SIGMAR1: variants seen among roughly 807,000 people sequenced by gnomAD.
SIGMAR1 encodes the protein SR31747 binding protein 1.
SIGMAR1 carries 18 observed loss-of-function variants against 25.4 expected under a neutral mutation model. The ratio of observed to expected loss-of-function variants is 0.71; its 90% CI spans 0.49 to 1.05. The LOEUF (loss-of-function observed/expected upper bound fraction) is 1.05, where lower values mean the gene tolerates loss of function less well. SIGMAR1 is among the 50% of genes least tolerant of loss of function. SIGMAR1 has a pLI of 0.00. For missense variants in SIGMAR1, 249 were observed against 301.6 expected (o/e 0.83, Z 1.29); for synonymous variants, 125 against 131.6 (o/e 0.95, Z 0.34).
At chr9:34,636,690 G>A in intron 3 of SIGMAR1, 3 of 490,702 alleles carry the variant, frequency 6.1e-6, no homozygotes, top group Non-Finnish European at 1.1e-5. Context: ...GGTATTGAGA[G>A]CATTTCTGAT....
chr9:34,636,997 C>T lies in SIGMAR1; in HGVS notation c.445G>A (p.Gly149Arg), dbSNP rs1820889989. ...TCTCTGACAGAGCCTTCTTACCCAC[C>T]TGGGTAGAAGACCTCACTTTTGGTG... ...GTTKSEVFYPGETVVHGPGEA... is the reference protein window; with the variant it reads ...GTTKSEVFYPRETVVHGPGEA... The change falls in exon 3 of 4, where the codon GGG (glycine) becomes AGG (arginine). Residue 149 changes from glycine to arginine, a missense_variant and splice_region_variant. Gly to Arg is a moderately radical substitution (Grantham distance 125). Transcript: ENST00000277010. 6.2e-7 allele frequency: 1 copy of T among 1,613,164 alleles called. No individual in the cohort carries two copies. The highest frequency in any genetic ancestry group is 1.3e-5 in the African/African-American group (1 of 74,924).
At chr9:34,636,810 T>A in intron 3 of SIGMAR1, 187 bp downstream of exon 3, 1 of 639,562 alleles carries the variant, frequency 1.6e-6, no homozygotes, top group Non-Finnish European at 2.8e-6. Context: ...TGTTTCCCCT[T>A]GACAGAGGAA....
intron 3 of SIGMAR1, among the ~76,000 whole-genome samples, chr9:34,636,399 C>T (rs959750043): frequency 2.0e-5 from 3 of 151,148 alleles, no homozygotes; most frequent in African/African-American, 7.3e-5. Flanking sequence ...TTTGGGAGGC[C>T]GAGGCGGGTG....
Position 34,637,732 on chromosome 9 carries a change from G to A in SIGMAR1, c.-35C>T. On this transcript the variant is annotated 5_prime_UTR_variant, in exon 1 of 4. Coordinates refer to ENST00000277010, the MANE Select transcript of SIGMAR1 (RefSeq NM_005866.4). ...CGGCCTGGCACGGCGCAGCTCAGGA[G>A]GGAGCCGGGGCCTGAGGCTTTGCGC... 1.4e-6 allele frequency: 2 copies of A among 1,427,100 alleles called. No individual in the cohort carries two copies. The highest frequency in any genetic ancestry group is 1.8e-6 in the Non-Finnish European group (2 of 1,084,544). 88.4% of individuals were successfully genotyped at this position (1,427,100 alleles called of 1,614,324 possible).
In SIGMAR1 at chr9:34,635,677, G is replaced by T. The variant is rs746866850; in HGVS notation, c.627C>A (p.Gly209=). The change falls in exon 4 of 4, where the codon GGC becomes GGA. Residue 209 remains glycine, a synonymous_variant. Transcript: ENST00000277010. The surrounding 1 kb of genome is among the most constrained non-coding windows in gnomAD (Gnocchi z 4.5). ...LFYTLRSYAR[G]LRLELTTYLF... is the part of the protein sequence containing the mutation. ...GGTAGGTGGTGAGCTCAAGCCGGAG[G>T]CCCCGAGCATAGGAGCGAAGAGTAT... 1 of 1,614,240 alleles carries T rather than the reference G, an allele frequency of 6.2e-7. No homozygotes were observed. Among genetic ancestry groups the T allele is most frequent in the Admixed American group, 1.7e-5 (1 of 60,034 alleles).
At chr9:34,636,779 T>C in intron 3 of SIGMAR1, 2 of 606,370 alleles carry the variant, frequency 3.3e-6, no homozygotes, top group Admixed American at 2.7e-5. Flanking sequence ...CAGACATGTT[T>C]AATAGGAAGT....
In SIGMAR1 at chr9:34,637,279, G is replaced by A; in HGVS notation, c.293C>T (p.Ala98Val). Reference protein sequence around the residue: ...GWMGAMCLLHASLSEYVLLFG... With the variant: ...GWMGAMCLLHVSLSEYVLLFG... ...GAGCAGCACATACTCGGACAGCGAG[G>A]CGTGCAGAAGGCACATGGCGCCCAT... The change falls in exon 2 of 4, where the codon GCC becomes GTC. Residue 98 changes from alanine (A) to valine (V), a missense_variant. Ala to Val is a moderately conservative substitution (Grantham distance 64, BLOSUM62 0). Coordinates refer to ENST00000277010, the MANE Select transcript of SIGMAR1 (RefSeq NM_005866.4). The A allele has an allele frequency of 5.1e-6, 8 of 1,579,968 alleles. No individual in the cohort carries two copies. Among genetic ancestry groups the A allele is most frequent in the Non-Finnish European group, 6.9e-6 (8 of 1,167,196 alleles).
At position 34,636,877 on chromosome 9, in the gene SIGMAR1, A is replaced by G. The variant is rs1024982745; in HGVS notation, c.445+120T>C. ...TCACCTGTGGCTTATGGGAGGGTGG[A>G]GGAAGGGAACCATGAGGAGGGCCCC... On this transcript the variant is annotated intron_variant, in intron 3 of 3. Transcript: ENST00000277010. 11 of 808,542 alleles carry G rather than the reference A, an allele frequency of 1.4e-5. No homozygotes were observed. In the African/African-American group the frequency reaches 1.9e-4, roughly 14 times the overall value. The allele number at this position is 808,542 out of a possible 1,614,324, so 50.1% of individuals were successfully genotyped here.
At position 34,635,435 on chromosome 9, in the gene SIGMAR1, A is replaced by G; in HGVS notation, c.*197T>C. The G allele has an allele frequency of 2.5e-6, 2 of 785,498 alleles. No individual in the cohort carries two copies. Among genetic ancestry groups the G allele is most frequent in the Non-Finnish European group, 4.1e-6 (2 of 485,342 alleles). 48.7% of individuals were successfully genotyped at this position (785,498 alleles called of 1,614,324 possible). ...TGGTCCTACTGTACACACAGGTCTC[A>G]GTATCTATATGTGTCTCATTTGTTC... On this transcript the variant is annotated 3_prime_UTR_variant, in exon 4 of 4. Coordinates refer to ENST00000277010, the MANE Select transcript of SIGMAR1 (RefSeq NM_005866.4). The surrounding 1 kb of genome is among the most constrained non-coding windows in gnomAD (Gnocchi z 4.5).
At chr9:34,636,867 G>A in intron 3 of SIGMAR1, 130 bp downstream of exon 3, 2 of 765,202 alleles carry the variant, frequency 2.6e-6, no homozygotes, top group Non-Finnish European at 4.6e-6. Flanking sequence ...TGTGGCTTAT[G>A]GGAGGGTGGA....
Position 34,635,585 on chromosome 9 carries a change from C to T in SIGMAR1, c.*47G>A, listed in dbSNP as rs1554707597. The T allele has an allele frequency of 1.9e-6, 3 of 1,611,768 alleles. No homozygotes were observed. The highest frequency in any genetic ancestry group is 1.7e-5 in the Admixed American group (1 of 59,678). ...GCTCCAGCAAGTGGATATGTGCGGGCCTGCCCGCTCCTGTCTATCCGCAGG... is the reference window on the plus strand; with the variant it reads ...GCTCCAGCAAGTGGATATGTGCGGGTCTGCCCGCTCCTGTCTATCCGCAGG... On this transcript the variant is annotated 3_prime_UTR_variant, in exon 4 of 4. Coordinates refer to ENST00000277010, the MANE Select transcript of SIGMAR1 (RefSeq NM_005866.4). This position sits in a 1 kb window ranked among gnomAD's most constrained non-coding sequence, Gnocchi z 4.5.
intron 2 of SIGMAR1, 34 bp downstream of exon 2, chr9:34,637,186 C>T (rs1383600970): frequency 6.4e-7 from 1 of 1,551,574 alleles, no homozygotes. Flanking sequence ...TTTACAACCC[C>T]AGCCTCCCAG....
rs746403257 is a variant in SIGMAR1, at chr9:34,637,109, G to A, written c.353-20C>T. The A allele has an allele frequency of 1.2e-6, 2 of 1,613,550 alleles. No individual in the cohort carries two copies. Among genetic ancestry groups the A allele is most frequent in the South Asian group, 1.1e-5 (1 of 90,998 alleles). On this transcript the variant is annotated intron_variant, in intron 2 of 3. Coordinates refer to ENST00000277010, the MANE Select transcript of SIGMAR1 (RefSeq NM_005866.4). ...AGCGCCCTGAGTGACAATCGCACATGACACTATCAGGGTATTCGCGCCATT... is the reference window on the plus strand; with the variant it reads ...AGCGCCCTGAGTGACAATCGCACATAACACTATCAGGGTATTCGCGCCATT...
chr9:34,636,150 A>G (rs1820849501), intron 3 of SIGMAR1, among the ~76,000 whole-genome samples: 1 of 151,998 alleles, frequency 6.6e-6, no homozygotes, highest in Non-Finnish European at 1.5e-5. Flanking sequence ...GCAGAAATTT[A>G]GCTAAACCTG....
Position 34,637,474 on chromosome 9 carries a change from G to A in SIGMAR1, c.152-54C>T, listed in dbSNP as rs1587229218. On this transcript the variant is annotated intron_variant, in intron 1 of 3. Transcript: ENST00000277010. ...AGGGCTGGCACCGGTCCTAGGTCCG[G>A]GGATGGCGCCTTCGGAACCCTAGGC... 4 of 1,584,112 alleles carry A rather than the reference G, an allele frequency of 2.5e-6. No homozygotes were observed. The Admixed American group carries it at 5.2e-5, about 21-fold the overall frequency.
rs1820840750 is a variant in SIGMAR1 at position 34,635,916 on chromosome 9, G to A, written c.446-58C>T. ...AGCTCTGCCCTGCCCTTCCATGGCT[G>A]CTGCTTCCCTGGCCCATGGACTAAC... is the stretch of plus-strand genomic sequence containing the variant. On this transcript the variant is annotated intron_variant, in intron 3 of 3. Coordinates refer to ENST00000277010, the MANE Select transcript of SIGMAR1 (RefSeq NM_005866.4). This position sits in a 1 kb window ranked among gnomAD's most constrained non-coding sequence, Gnocchi z 4.5. The A allele has an allele frequency of 1.3e-5, 21 of 1,607,802 alleles. No individual in the cohort carries two copies. Among genetic ancestry groups the A allele is most frequent in the Non-Finnish European group, 1.6e-5 (19 of 1,178,746 alleles).
chr9:34,635,782 G>A lies in SIGMAR1; in HGVS notation c.522C>T (p.Gly174=). The A allele has an allele frequency of 1.2e-6, 2 of 1,614,204 alleles. No individual in the cohort carries two copies. The highest frequency in any genetic ancestry group is 1.1e-5 in the South Asian group (1 of 91,086). ...CCAGGGTGGATGGGATGACGCCCCGGCCGTACTCCACCATCCATGTGTTTG... is the reference window on the plus strand; with the variant it reads ...CCAGGGTGGATGGGATGACGCCCCGACCGTACTCCACCATCCATGTGTTTG... ...WGPNTWMVEY[G]RGVIPSTLAF... The change falls in exon 4 of 4, where the codon GGC becomes GGT. Residue 174 remains glycine, a synonymous_variant. Coordinates refer to ENST00000277010, the MANE Select transcript of SIGMAR1 (RefSeq NM_005866.4). The surrounding 1 kb of genome is among the most constrained non-coding windows in gnomAD (Gnocchi z 4.5).
rs1564095279 is a variant in SIGMAR1, at chr9:34,635,897, G to A, written c.446-39C>T. ...AGCACCCAAGTGAAAAGCCAGCTCT[G>A]CCCTGCCCTTCCATGGCTGCTGCTT... On this transcript the variant is annotated intron_variant, in intron 3 of 3. Transcript: ENST00000277010. This position sits in a 1 kb window ranked among gnomAD's most constrained non-coding sequence, Gnocchi z 4.5. 6.2e-7 allele frequency: 1 copy of A among 1,612,008 alleles called. No individual in the cohort carries two copies. The highest frequency in any genetic ancestry group is 1.1e-5 in the South Asian group (1 of 91,008).
Position 34,637,426 on chromosome 9 carries a change from G to A in SIGMAR1, c.152-6C>T, listed in dbSNP as rs772336092. On this transcript the variant is annotated splice_region_variant and splice_polypyrimidine_tract_variant and intron_variant, in intron 1 of 3. Coordinates refer to ENST00000277010, the MANE Select transcript of SIGMAR1 (RefSeq NM_005866.4). The stretch of plus-strand genomic sequence containing the variant: ...GGCCAGCTCGTGGTCCAGCCCTGGC[G>A]GAGGCAGAGGGGCGGCGGAGTCAGG... 1.6e-5 allele frequency: 25 copies of A among 1,600,732 alleles called. No individual in the cohort carries two copies. The highest frequency in any genetic ancestry group is 2.1e-5 in the Non-Finnish European group (25 of 1,178,742).
Sources: allele counts gnomAD v4.1 joint callset (sites outside exome capture counted in the v4.1 genomes callset), GRCh38; gene constraint gnomAD v4.1.1; non-coding constraint Gnocchi (gnomAD v3.1); transcripts MANE v1.5; gene names NCBI Gene and HGNC (gene_info 2026-07-23, HGNC 2026-07-21).